OPTN: variants seen among roughly 807,000 people sequenced by gnomAD.
OPTN encodes optineurin.
OPTN carries 54 observed loss-of-function variants against 70.4 expected under a neutral mutation model. The observed-to-expected ratio is 0.77, with a 90% confidence interval of 0.62 to 0.96. OPTN has a LOEUF of 0.96. Ranked by LOEUF, OPTN falls within the 40% of genes least tolerant of loss-of-function variation. The probability of loss-of-function intolerance (pLI) is 0.00; values close to 1 mark genes in which losing one functional copy is unlikely to be tolerated. For synonymous variants in OPTN, 256 were observed against 248.5 expected (o/e 1.03, Z -0.28); for missense variants, 624 against 673.2 (o/e 0.93, Z 0.81).
intron 3 of OPTN, among the ~76,000 whole-genome samples, chr10:13,109,939 G>A (rs1832959661): frequency 6.9e-6 from 1 of 144,224 alleles, no homozygotes; most frequent in East Asian, 2.0e-4. Flanking sequence ...ATCTCAAGAT[G>A]GCTTTGGGCA....
chr10:13,132,214 G>C lies in OPTN; in HGVS notation c.1532+17G>C. On this transcript the variant is annotated intron_variant, in intron 13 of 14. Coordinates refer to ENST00000378747, the MANE Select transcript of OPTN (RefSeq NM_001008212.2). ...CGGAGGCAGGTAAGGAAAAGAGAGAGGAGGACCCAGAGCTCACATCAGCAT... is the reference window on the plus strand; with the variant it reads ...CGGAGGCAGGTAAGGAAAAGAGAGACGAGGACCCAGAGCTCACATCAGCAT... The C allele has an allele frequency of 6.2e-7, 1 of 1,610,744 alleles. No individual in the cohort carries two copies.
intron 1 of OPTN, among the ~76,000 whole-genome samples, chr10:13,100,979 T>C (rs1377656380): frequency 6.6e-6 from 1 of 152,188 alleles, no homozygotes; most frequent in African/African-American, 2.4e-5. Context: ...AATGAAAGCA[T>C]AGAAAAGTAA....
chr10:13,100,212 TG>T lies in OPTN; in HGVS notation c.-252del. On this transcript the variant is annotated 5_prime_UTR_variant, in exon 1 of 15. Transcript: ENST00000378747. ...CGCCGCCGCCCGCCGGCAGGTTCCCTGGTCAGCGTCCCATCCCGGTCGGGAG... is the reference window on the plus strand; with the variant it reads ...CGCCGCCGCCCGCCGGCAGGTTCCCTGTCAGCGTCCCATCCCGGTCGGGAG... The T allele has an allele frequency of 6.5e-6, 1 of 154,472 alleles. No homozygotes were observed. Among genetic ancestry groups the T allele is most frequent in the Non-Finnish European group, 1.4e-5 (1 of 69,354 alleles). The allele number at this position is 154,472 out of a possible 1,614,324, so 9.6% of individuals were successfully genotyped here.
rs113276388 is a variant in OPTN, at chr10:13,131,999, C to T, written c.1402-68C>T. 204 of 1,514,392 alleles carry T rather than the reference C, an allele frequency of 1.3e-4. No homozygotes were observed. The African/African-American group carries it at 2.3e-3, about 17-fold the overall frequency. The allele number at this position is 1,514,392 out of a possible 1,614,324, so 93.8% of individuals were successfully genotyped here. On this transcript the variant is annotated intron_variant, in intron 12 of 14. Transcript: ENST00000378747. Reference sequence around the variant, plus strand: ...GAAGGATACAGCACTACCTCCTCATCGCATAAACACTGTAAGAATCTGCAT... The same window carrying T: ...GAAGGATACAGCACTACCTCCTCATTGCATAAACACTGTAAGAATCTGCAT...
At position 13,110,382 on chromosome 10, in the gene OPTN, A is replaced by T. The variant is rs202044898; in HGVS notation, c.275A>T (p.Glu92Val). 5.0e-5 allele frequency: 81 copies of T among 1,614,172 alleles called. No homozygotes were observed. The Middle Eastern group carries it at 9.9e-4, about 20-fold the overall frequency. ...ERQFFEIQSKEAKERLMALSH... is the reference protein window; with the variant it reads ...ERQFFEIQSKVAKERLMALSH... ...CAGTTTTTTGAGATACAGAGCAAAG[A>T]AGCAAAAGAGCGTCTAATGGCCTTG... Residue 92 changes from glutamate (E) to valine (V), a missense_variant, in exon 4 of 15, where the codon GAA (glutamate) becomes GTA (valine). Glu to Val is a moderately radical substitution (Grantham distance 121, BLOSUM62 -2). Transcript: ENST00000378747.
At chr10:13,120,452 A>G (rs1023654517) in intron 7 of OPTN, among the ~76,000 whole-genome samples, 1 of 151,852 alleles carries the variant, frequency 6.6e-6, no homozygotes, top group South Asian at 2.1e-4. Flanking sequence ...ACCCAAGGTC[A>G]CAAAGATTTA....
chr10:13,115,773 C>T (rs1173494514), intron 5 of OPTN, among the ~76,000 whole-genome samples: 1 of 150,866 alleles, frequency 6.6e-6, no homozygotes, highest in Non-Finnish European at 1.5e-5. Flanking sequence ...CCTAAGTGAC[C>T]TGTGGTGCAT....
At chr10:13,132,338 T>A in intron 13 of OPTN, 141 bp downstream of exon 13, 1 of 723,420 alleles carries the variant, frequency 1.4e-6, no homozygotes, top group Non-Finnish European at 2.3e-6. Context: ...ACAGAGCGAG[T>A]CCCCTGTCTG....
At chr10:13,103,664 T>C (rs1832797134) in intron 1 of OPTN, among the ~76,000 whole-genome samples, 1 of 152,174 alleles carries the variant, frequency 6.6e-6, no homozygotes, top group Non-Finnish European at 1.5e-5. Flanking sequence ...AGCAATCAGA[T>C]GTATGCTCGT....
At chr10:13,134,942 G>C (rs746714018) in intron 14 of OPTN, among the ~76,000 whole-genome samples, 1 of 152,180 alleles carries the variant, frequency 6.6e-6, no homozygotes, top group Non-Finnish European at 1.5e-5. Flanking sequence ...AGAGAGCAAA[G>C]GCAGCCCCGG....
intron 5 of OPTN, among the ~76,000 whole-genome samples, chr10:13,115,037 T>A (rs28850935): frequency 1.9e-3 from 16 of 8,252 alleles, no homozygotes; most frequent in Admixed American, 5.6e-3. Flanking sequence ...ATTTATATAT[T>A]TTTATATATA....
At chr10:13,106,254 A>G (rs1004735892) in intron 1 of OPTN, among the ~76,000 whole-genome samples, 1 of 152,236 alleles carries the variant, frequency 6.6e-6, no homozygotes, top group African/African-American at 2.4e-5. Context: ...ATTAGGTAGG[A>G]ACACTGTTAC....
At position 13,127,644 on chromosome 10, in the gene OPTN, G is replaced by A. The variant is rs375039825; in HGVS notation, c.1243-101G>A. The A allele has an allele frequency of 6.0e-6, 8 of 1,323,306 alleles. 1 individual carries two copies. The highest frequency in any genetic ancestry group is 4.0e-5 in the Admixed American group (2 of 50,620). The allele number at this position is 1,323,306 out of a possible 1,614,324, so 82.0% of individuals were successfully genotyped here. On this transcript the variant is annotated intron_variant, in intron 11 of 14. Coordinates refer to ENST00000378747, the MANE Select transcript of OPTN (RefSeq NM_001008212.2). ...TTCTAGGCATGAGCCACCACACCCG[G>A]CCAGAGCTGATAATTAAAAAAATAA... is the stretch of plus-strand genomic sequence containing the variant.
In OPTN at chr10:13,137,859, G is replaced by A. The variant is rs552630634; in HGVS notation, c.*993G>A. Reference sequence around the variant, plus strand: ...GCTTTCATTGTACCTGCAGGCCTGTGGGCTTGTACAGTAGATAATTAATTT... The same window carrying A: ...GCTTTCATTGTACCTGCAGGCCTGTAGGCTTGTACAGTAGATAATTAATTT... On this transcript the variant is annotated 3_prime_UTR_variant, in exon 15 of 15. Coordinates refer to ENST00000378747, the MANE Select transcript of OPTN (RefSeq NM_001008212.2). 1.8e-4 allele frequency: 42 copies of A among 227,052 alleles called. No homozygotes were observed. The highest frequency in any genetic ancestry group is 9.1e-4 in the African/African-American group (41 of 45,106). 14.1% of individuals were successfully genotyped at this position (227,052 alleles called of 1,614,324 possible).
At chr10:13,125,922 A>AT (rs1564365325) in intron 10 of OPTN, 24 bp from the exon 11 acceptor site, 16 of 1,541,338 alleles carry the variant, frequency 1.0e-5, no homozygotes, top group Non-Finnish European at 1.4e-5. Flanking sequence ...CCAGGATTCC[A>AT]TTTTTTAATA....
chr10:13,119,922 C>G (rs924981237), intron 7 of OPTN, among the ~76,000 whole-genome samples: 1 of 150,812 alleles, frequency 6.6e-6, no homozygotes, highest in African/African-American at 2.4e-5. Flanking sequence ...TATAAGAGTT[C>G]ATTTTACATT....
chr10:13,119,202 AT>A (rs1487076276), intron 7 of OPTN, among the ~76,000 whole-genome samples, 162 bp downstream of exon 7: 4 of 152,172 alleles, frequency 2.6e-5, no homozygotes, highest in Admixed American at 1.3e-4. Context: ...ATTTTAGAAC[AT>A]TTTTTCCCCC....
At chr10:13,124,495 C>T (rs1157044584) in intron 9 of OPTN, among the ~76,000 whole-genome samples, 2 of 152,140 alleles carry the variant, frequency 1.3e-5, no homozygotes, top group African/African-American at 2.4e-5. Flanking sequence ...GGAAAAAGGT[C>T]AATTTCAATT....
rs188595368 is a variant in OPTN at position 13,116,129 on chromosome 10, A to G, written c.553-138A>G. The G allele has an allele frequency of 1.0e-3, 734 of 707,406 alleles. 3 individuals carry two copies. The highest frequency in any genetic ancestry group is 3.7e-3 in the Middle Eastern group (11 of 2,960). 43.8% of individuals were successfully genotyped at this position (707,406 alleles called of 1,614,324 possible). ...ATTTCCTCTGAGCCACCCCGTTTAAACAGTGCACATCTGAATGTTTGGAAG... is the reference window on the plus strand; with the variant it reads ...ATTTCCTCTGAGCCACCCCGTTTAAGCAGTGCACATCTGAATGTTTGGAAG... On this transcript the variant is annotated intron_variant, in intron 5 of 14. Transcript: ENST00000378747.
Sources: gnomAD v4.1 joint callset for allele counts (sites outside exome capture counted in the v4.1 genomes callset) on GRCh38, gnomAD v4.1.1 for gene constraint, MANE v1.5 for transcripts, NCBI Gene and HGNC (gene_info 2026-07-23, HGNC 2026-07-21) for gene names.